The following UBE2R2 variants were observed in gnomAD, a reference collection of about 807,000 sequenced individuals.
The protein encoded by UBE2R2 is ubiquitin-conjugating enzyme E2 R2.
UBE2R2 carries 1 observed loss-of-function variant against 27.8 expected under a neutral mutation model. The observed-to-expected ratio is 0.04, with a 90% CI of 0.01 to 0.17. The LOEUF (loss-of-function observed/expected upper bound fraction) is 0.17, where lower values mean the gene tolerates loss of function less well. UBE2R2 is among the 10% of genes least tolerant of loss of function. The pLI is 1.00. For missense variants in UBE2R2, 100 were observed against 291.0 expected, an observed-to-expected ratio of 0.34 and a Z score of 4.78; for synonymous variants, 106 against 113.3, an observed-to-expected ratio of 0.94 and a Z score of 0.41.
At chr9:33,819,838 C>T (rs1825938931) in intron 1 of UBE2R2, among the ~76,000 whole-genome samples, 1 of 152,170 alleles carries the variant, frequency 6.6e-6, no homozygotes, top group South Asian at 2.1e-4. Flanking sequence ...GGGGTTTCAC[C>T]ATATTGGCCA....
chr9:33,835,466 C>T (rs1435117844), intron 1 of UBE2R2, among the ~76,000 whole-genome samples: 2 of 151,960 alleles, frequency 1.3e-5, no homozygotes, highest in East Asian at 1.9e-4. Context: ...TTTTTAAATG[C>T]CGTGTAGTGT....
chr9:33,873,978 C>T (rs1311625817), intron 1 of UBE2R2, among the ~76,000 whole-genome samples: 5 of 141,360 alleles, frequency 3.5e-5, no homozygotes, highest in East Asian at 2.2e-4. Flanking sequence ...GATGGAATTT[C>T]GTTCTGTCAC....
intron 1 of UBE2R2, among the ~76,000 whole-genome samples, chr9:33,844,131 CTT>C (rs1820787901): frequency 6.6e-6 from 1 of 152,202 alleles, no homozygotes. Flanking sequence ...GCTTGAAACA[CTT>C]TATTACATTT....
intron 2 of UBE2R2, among the ~76,000 whole-genome samples, chr9:33,898,889 A>T (rs1026867632): frequency 1.4e-4 from 22 of 152,236 alleles, no homozygotes; most frequent in African/African-American, 4.8e-4. Flanking sequence ...TCTGTATTGC[A>T]CATGGTGGGC....
chr9:33,871,374 C>A (rs1317830502), intron 1 of UBE2R2, among the ~76,000 whole-genome samples: 1 of 152,100 alleles, frequency 6.6e-6, no homozygotes, highest in African/African-American at 2.4e-5. Context: ...AAATAGGTGT[C>A]TGATGAGTTC....
chr9:33,851,083 C>T (rs2130753339), intron 1 of UBE2R2, among the ~76,000 whole-genome samples: 1 of 152,272 alleles, frequency 6.6e-6, no homozygotes, highest in Non-Finnish European at 1.5e-5. Context: ...ACTTCCATTC[C>T]CACTTCTATT....
At chr9:33,876,827 A>C (rs997868211) in intron 1 of UBE2R2, among the ~76,000 whole-genome samples, 1 of 152,046 alleles carries the variant, frequency 6.6e-6, no homozygotes, top group Non-Finnish European at 1.5e-5. Context: ...GAGGCAGGAG[A>C]ATGGCATGAA....
chr9:33,872,736 A>G (rs1186604676), intron 1 of UBE2R2, among the ~76,000 whole-genome samples: 1 of 151,784 alleles, frequency 6.6e-6, no homozygotes, highest in East Asian at 1.9e-4. Flanking sequence ...CAGTGAGCCA[A>G]GACCGCACCA....
chr9:33,891,992 A>G (rs144572499), intron 2 of UBE2R2, among the ~76,000 whole-genome samples: 2 of 152,160 alleles, frequency 1.3e-5, no homozygotes, highest in African/African-American at 4.8e-5. Context: ...GTGTATATGT[A>G]TGTGTGTGTG....
intron 1 of UBE2R2, among the ~76,000 whole-genome samples, chr9:33,875,360 C>T (rs1211263223): frequency 1.3e-5 from 2 of 152,110 alleles, no homozygotes; most frequent in South Asian, 2.1e-4. Flanking sequence ...ACTTTATTTT[C>T]CCTTTTACTT....
At chr9:33,866,179 C>G (rs910825051) in intron 1 of UBE2R2, among the ~76,000 whole-genome samples, 9 of 151,848 alleles carry the variant, frequency 5.9e-5, no homozygotes, top group African/African-American at 1.9e-4. Flanking sequence ...TCCCTGAACT[C>G]TGACAGAGTA....
intron 3 of UBE2R2, among the ~76,000 whole-genome samples, chr9:33,907,512 G>A (rs1356336374): frequency 2.6e-5 from 4 of 152,062 alleles, no homozygotes; most frequent in East Asian, 3.9e-4. Flanking sequence ...CTCTAGGTCT[G>A]TTCTTTGTTG....
chr9:33,848,367 T>A (rs919875355), intron 1 of UBE2R2, among the ~76,000 whole-genome samples: 49 of 152,180 alleles, frequency 3.2e-4, no homozygotes, highest in African/African-American at 1.2e-3. Flanking sequence ...CTTAATTTTT[T>A]AAATTGTATA....
intron 4 of UBE2R2, among the ~76,000 whole-genome samples, chr9:33,912,653 C>G (rs1369264717): frequency 1.3e-5 from 2 of 151,732 alleles, no homozygotes; most frequent in South Asian, 2.1e-4. Context: ...ATAAATAAAG[C>G]CTTCCAGTTT....
intron 2 of UBE2R2, among the ~76,000 whole-genome samples, chr9:33,895,305 C>G (rs919501616): frequency 1.3e-5 from 2 of 152,136 alleles, no homozygotes; most frequent in African/African-American, 2.4e-5. Context: ...ATTGAAGAGT[C>G]TGTTTTTTCC....
intron 1 of UBE2R2, among the ~76,000 whole-genome samples, chr9:33,866,620 C>G (rs1209551466): frequency 6.6e-6 from 1 of 152,124 alleles, no homozygotes; most frequent in Non-Finnish European, 1.5e-5. Flanking sequence ...TTTTCACACA[C>G]TGGGGCATCT....
chr9:33,912,879 A>T (rs1564007568), intron 4 of UBE2R2, among the ~76,000 whole-genome samples: 1 of 152,114 alleles, frequency 6.6e-6, no homozygotes, highest in Admixed American at 6.6e-5. Flanking sequence ...TCAGGTTCTT[A>T]TAATAGTACC....
chr9:33,870,488 G>A (rs1187444478), intron 1 of UBE2R2, among the ~76,000 whole-genome samples: 1 of 152,118 alleles, frequency 6.6e-6, no homozygotes, highest in Non-Finnish European at 1.5e-5. Flanking sequence ...GGAAACCAAG[G>A]AAAGTTATGA....
chr9:33,838,158 T>C (rs1207352236), intron 1 of UBE2R2, among the ~76,000 whole-genome samples: 2 of 151,564 alleles, frequency 1.3e-5, no homozygotes, highest in Non-Finnish European at 2.9e-5. Flanking sequence ...TTTATTTTTT[T>C]AATTTATTTT....
Sources: gnomAD v4.1 joint callset for allele counts (sites outside exome capture counted in the v4.1 genomes callset) on GRCh38, gnomAD v4.1.1 for gene constraint, MANE v1.5 for transcripts, NCBI Gene and HGNC (gene_info 2026-07-23, HGNC 2026-07-21) for gene names.